The following CTNNA3 variants were observed in gnomAD, a reference collection of about 807,000 sequenced individuals.
The protein encoded by CTNNA3 is catenin alpha 3, also known as catenin alpha-3.
In CTNNA3, 76 loss-of-function variants were observed where a neutral mutation model predicts 95.7. The ratio of observed to expected loss-of-function variants is 0.79; its 90% CI spans 0.66 to 0.96. The LOEUF (loss-of-function observed/expected upper bound fraction) is 0.96. Among genes scored for constraint, CTNNA3 ranks in the 40% least tolerant of loss-of-function variants. CTNNA3 has a pLI of 0.00. For synonymous variants in CTNNA3, 431 were observed against 374.4 expected (o/e 1.15, Z -1.74); for missense variants, 1,191 against 1,089.8 (o/e 1.09, Z -1.31).
rs1289496942 is a variant in CTNNA3, at chr10:67,063,027, AT to A, written c.1047+117289del. Reference sequence around the variant, plus strand: ...CTTTCCAGTGCTATGTAAGCACCTAATTTCCTAAAGTTAATTACTTCTGACT... The same window carrying A: ...CTTTCCAGTGCTATGTAAGCACCTAATTCCTAAAGTTAATTACTTCTGACT... On this transcript the variant is annotated intron_variant, in intron 7 of 17. Coordinates refer to ENST00000433211, the MANE Select transcript of CTNNA3 (RefSeq NM_013266.4). Among the ~76,000 whole-genome samples, 93 of 152,060 alleles carry A rather than the reference AT, an allele frequency of 6.1e-4. 2 individuals carry two copies. The highest frequency in any genetic ancestry group is 6.1e-3 in the Admixed American group (93 of 15,260).
chr10:66,136,187 CCACCG>C (rs1273611892), intron 13 of CTNNA3, among the ~76,000 whole-genome samples: 1 of 152,164 alleles, frequency 6.6e-6, no homozygotes, highest in Non-Finnish European at 1.5e-5. Flanking sequence ...CAGGCGTGAG[CCACCG>C]CGCCAGGCCA....
At chr10:66,033,224 G>C (rs563739268) in intron 15 of CTNNA3, among the ~76,000 whole-genome samples, 31 of 148,800 alleles carry the variant, frequency 2.1e-4, no homozygotes, top group Admixed American at 8.2e-4. Flanking sequence ...TCCACATGCT[G>C]GGTTCACGCC....
At chr10:67,318,375 C>A (rs1192017671) in intron 5 of CTNNA3, among the ~76,000 whole-genome samples, 1 of 152,138 alleles carries the variant, frequency 6.6e-6, no homozygotes, top group Non-Finnish European at 1.5e-5. Context: ...TCACTTAGGG[C>A]TTAGTTTTCC....
intron 7 of CTNNA3, among the ~76,000 whole-genome samples, chr10:66,906,496 G>T (rs568941579): frequency 5.7e-4 from 86 of 152,106 alleles, no homozygotes; most frequent in Admixed American, 7.9e-4. Flanking sequence ...ATCTTCAAAA[G>T]TATCTTCAAA....
chr10:67,729,185 C>T (rs1480159320), intron 1 of CTNNA3, among the ~76,000 whole-genome samples: 3 of 151,880 alleles, frequency 2.0e-5, no homozygotes, highest in Non-Finnish European at 2.9e-5. Flanking sequence ...TCTTATTGTT[C>T]CCTAAAAGGT....
intron 13 of CTNNA3, among the ~76,000 whole-genome samples, chr10:66,273,688 C>A (rs554406945): frequency 6.6e-6 from 1 of 152,082 alleles, no homozygotes; most frequent in African/African-American, 2.4e-5. Flanking sequence ...TCCCTTGCAA[C>A]CTTTGGAGAA....
intron 5 of CTNNA3, among the ~76,000 whole-genome samples, chr10:67,247,362 T>C (rs1158776099): frequency 6.6e-6 from 1 of 152,176 alleles, no homozygotes; most frequent in African/African-American, 2.4e-5. Flanking sequence ...AGACACTTGC[T>C]GTGAAAAATC....
chr10:67,117,585 G>A (rs1859246556), intron 7 of CTNNA3, among the ~76,000 whole-genome samples: 1 of 151,922 alleles, frequency 6.6e-6, no homozygotes, highest in East Asian at 1.9e-4. Flanking sequence ...GAAAATACCT[G>A]GGAGACAAGT....
At chr10:66,637,889 C>T (rs533707345) in intron 9 of CTNNA3, among the ~76,000 whole-genome samples, 54 of 152,258 alleles carry the variant, frequency 3.5e-4, no homozygotes, top group African/African-American at 1.2e-3. Context: ...GAAAGCACAC[C>T]CACACCTTGT....
At chr10:67,461,608 C>T (rs1039692520) in intron 5 of CTNNA3, among the ~76,000 whole-genome samples, 13 of 151,878 alleles carry the variant, frequency 8.6e-5, no homozygotes, top group African/African-American at 3.1e-4. Flanking sequence ...ATAAAATGAC[C>T]ACAGAAGAAT....
intron 9 of CTNNA3, among the ~76,000 whole-genome samples, chr10:66,638,900 T>C (rs757152298): frequency 2.6e-5 from 4 of 152,184 alleles, no homozygotes; most frequent in Admixed American, 6.5e-5. Context: ...TTCTGCCTTT[T>C]TCACATCACT....
At chr10:66,869,132 A>C (rs1414463788) in intron 7 of CTNNA3, among the ~76,000 whole-genome samples, 1 of 152,218 alleles carries the variant, frequency 6.6e-6, no homozygotes, top group Non-Finnish European at 1.5e-5. Context: ...AGTGTCAATT[A>C]ACTCAAACAA....
intron 2 of CTNNA3, among the ~76,000 whole-genome samples, chr10:67,617,435 C>T (rs952078704): frequency 3.9e-5 from 6 of 152,020 alleles, no homozygotes; most frequent in Non-Finnish European, 7.4e-5. Flanking sequence ...GACATGATCT[C>T]ATTTTTTTTT....
intron 5 of CTNNA3, among the ~76,000 whole-genome samples, chr10:67,483,776 T>TAAAAAAAAAAAAAAAAAAAAAAAAATA (rs71468814): frequency 9.0e-6 from 1 of 110,852 alleles, no homozygotes; most frequent in Non-Finnish European, 2.0e-5. Context: ...AAATAAAAAT[T>TAAAAAAAAAAAAAAAAAAAAAAAAATA]AAAAAAAAAA....
At position 66,353,933 on chromosome 10, in the gene CTNNA3, T is replaced by C. The variant is rs554781359; in HGVS notation, c.1732+25219A>G. ...AAAAACACACAAAATCTCAAAAATG[T>C]GAATAGTGAGGAAAAATAATCATCC... On this transcript the variant is annotated intron_variant, in intron 12 of 17. Transcript: ENST00000433211. 2.0e-5 allele frequency among the ~76,000 whole-genome samples: 3 copies of C among 151,104 alleles called. No individual in the cohort carries two copies. The East Asian group carries it at 5.8e-4, about 29-fold the overall frequency.
rs775705681 is a variant in CTNNA3 at position 66,668,428 on chromosome 10, G to GTT, written c.1282-46645_1282-46644insAA. On this transcript the variant is annotated intron_variant, in intron 9 of 17. Transcript: ENST00000433211. ...CTTTTTTCTCAACTCTCATATGTGT[G>GTT]TGTGTGTGTGTGTGTGTGTGTGTGT... is the stretch of plus-strand genomic sequence containing the variant. Among the ~76,000 whole-genome samples the GTT allele has an allele frequency of 6.6e-3, 997 of 150,970 alleles. 4 individuals are homozygous for GTT. Among genetic ancestry groups the GTT allele is most frequent in the Non-Finnish European group, 0.012 (796 of 67,674 alleles).
rs12785157 is a variant in CTNNA3, at chr10:66,362,041, G to C, written c.1732+17111C>G. Among the ~76,000 whole-genome samples the C allele has an allele frequency of 5.6e-3, 841 of 150,776 alleles. 6 individuals are homozygous for C. Among genetic ancestry groups the C allele is most frequent in the African/African-American group, 0.019 (787 of 41,058 alleles). On this transcript the variant is annotated intron_variant, in intron 12 of 17. Transcript: ENST00000433211. Reference sequence around the variant, plus strand: ...GCAGCTTTAACTAAAAGAAACCACTGGTTTTGCTCAAAACAGTGATATTTT... The same window carrying C: ...GCAGCTTTAACTAAAAGAAACCACTCGTTTTGCTCAAAACAGTGATATTTT...
At chr10:66,055,921 CA>C (rs386371652) in intron 15 of CTNNA3, among the ~76,000 whole-genome samples, 1,178 of 60,168 alleles carry the variant, frequency 0.02, 4 homozygotes, top group African/African-American at 0.027. Context: ...GACTCCATCT[CA>C]AAAAAAAAAA....
At chr10:66,617,383 C>T (rs1250670862) in intron 10 of CTNNA3, among the ~76,000 whole-genome samples, 1 of 152,004 alleles carries the variant, frequency 6.6e-6, no homozygotes, top group Non-Finnish European at 1.5e-5. Flanking sequence ...GGGCTTCATC[C>T]TGGGATGCAA....
Sources: gnomAD v4.1 joint callset for allele counts (sites outside exome capture counted in the v4.1 genomes callset) on GRCh38, gnomAD v4.1.1 for gene constraint, MANE v1.5 for transcripts, NCBI Gene and HGNC (gene_info 2026-07-23, HGNC 2026-07-21) for gene names.